LOC400499: variants seen among roughly 807,000 people sequenced by gnomAD.
the LOC400499 span, among the ~76,000 whole-genome samples, chr16:11,379,762 A>T: frequency 6.6e-6 from 1 of 152,098 alleles, no homozygotes; most frequent in Non-Finnish European, 1.5e-5. Flanking sequence ...CTTTGTGTTT[A>T]ATTGATGTTT....
chr16:11,474,991 G>A, the LOC400499 span, among the ~76,000 whole-genome samples: 1 of 152,154 alleles, frequency 6.6e-6, no homozygotes, highest in Admixed American at 6.5e-5. Context: ...ACAGATAAAA[G>A]GTTAAATATT....
the LOC400499 span, among the ~76,000 whole-genome samples, chr16:11,438,607 CAA>C: frequency 6.4e-4 from 38 of 59,836 alleles, no homozygotes; most frequent in African/African-American, 1.1e-3. Context: ...CCTGTCTCTG[CAA>C]AAAAAAAAAA....
chr16:11,462,519 T>G, the LOC400499 span: 15 of 786,198 alleles, frequency 1.9e-5, no homozygotes, highest in Non-Finnish European at 1.7e-5. Flanking sequence ...AACCTCCACC[T>G]CCTGGGTTCA....
the LOC400499 span, chr16:11,469,496 C>A: frequency 1.5e-5 from 6 of 398,956 alleles, no homozygotes; most frequent in Non-Finnish European, 2.7e-5. Context: ...CAGGGAGGGA[C>A]GTTGACATTA....
chr16:11,511,960 T>C, the LOC400499 span, among the ~76,000 whole-genome samples: 1 of 151,992 alleles, frequency 6.6e-6, no homozygotes, highest in South Asian at 2.1e-4. Flanking sequence ...CAAGGTACCA[T>C]TGCATTCCAG....
At chr16:11,473,704 G>A in the LOC400499 span, among the ~76,000 whole-genome samples, 3 of 150,534 alleles carry the variant, frequency 2.0e-5, no homozygotes, top group Non-Finnish European at 4.4e-5. Flanking sequence ...GCAGTGAGCC[G>A]AGACCGCACC....
the LOC400499 span, among the ~76,000 whole-genome samples, chr16:11,492,751 C>T: frequency 4.1e-4 from 62 of 150,806 alleles, no homozygotes; most frequent in Non-Finnish European, 8.0e-4. Flanking sequence ...TGACACCGCA[C>T]TCCAGCCTGG....
the LOC400499 span, among the ~76,000 whole-genome samples, chr16:11,383,097 A>AC: frequency 8.5e-6 from 1 of 118,088 alleles, no homozygotes; most frequent in Non-Finnish European, 2.0e-5. Context: ...ACGGAGTCTC[A>AC]CTCTGTTGCC....
At chr16:11,421,024 A>G in the LOC400499 span, among the ~76,000 whole-genome samples, 2 of 152,076 alleles carry the variant, frequency 1.3e-5, no homozygotes, top group Non-Finnish European at 2.9e-5. Flanking sequence ...ACCTCTGCCA[A>G]ACTGTCCCCA....
At chr16:11,501,731 T>TC in the LOC400499 span, among the ~76,000 whole-genome samples, 2 of 151,926 alleles carry the variant, frequency 1.3e-5, no homozygotes, top group Non-Finnish European at 2.9e-5. Flanking sequence ...GCCCAGACTC[T>TC]CCACGCCCCC....
chr16:11,468,833 G>A, the LOC400499 span, among the ~76,000 whole-genome samples: 3 of 152,088 alleles, frequency 2.0e-5, no homozygotes, highest in Non-Finnish European at 4.4e-5. Flanking sequence ...TCACCATTTG[G>A]CCAGGCTGGT....
the LOC400499 span, among the ~76,000 whole-genome samples, chr16:11,517,951 G>T: frequency 0.042 from 6,411 of 152,254 alleles, 455 homozygotes; most frequent in African/African-American, 0.15. Context: ...ACCTTCCAGG[G>T]GGGCAGCGGT....
At chr16:11,514,263 G>T in the LOC400499 span, 1 of 398,594 alleles carries the variant, frequency 2.5e-6, no homozygotes, top group South Asian at 1.3e-4. Context: ...GTCCAGGCCG[G>T]GACAGAGGAA....
At chr16:11,388,094 G>A in the LOC400499 span, among the ~76,000 whole-genome samples, 4 of 152,158 alleles carry the variant, frequency 2.6e-5, no homozygotes, top group African/African-American at 7.2e-5. Context: ...AGTAGAGAGG[G>A]AGCAGGGGCA....
chr16:11,417,422 G>C, the LOC400499 span, among the ~76,000 whole-genome samples: 5 of 152,312 alleles, frequency 3.3e-5, no homozygotes, highest in African/African-American at 4.8e-5. Context: ...TCCAGTGTGT[G>C]GGACTTTGTT....
the LOC400499 span, among the ~76,000 whole-genome samples, chr16:11,429,444 G>C: frequency 1.3e-5 from 2 of 152,214 alleles, no homozygotes; most frequent in East Asian, 3.9e-4. Context: ...AAGGGCAAAG[G>C]GAGTTAGCAG....
the LOC400499 span, among the ~76,000 whole-genome samples, chr16:11,495,068 G>A: frequency 6.6e-6 from 1 of 152,082 alleles, no homozygotes; most frequent in Non-Finnish European, 1.5e-5. Context: ...AATTAGCCGA[G>A]CATGGTGGTG....
chr16:11,493,767 G>A, the LOC400499 span: 1 of 392,202 alleles, frequency 2.5e-6, no homozygotes, highest in African/African-American at 2.2e-5. Flanking sequence ...CCAAGCCCGC[G>A]TTGCCGACTG....
At chr16:11,399,506 C>T in the LOC400499 span, 1 of 398,778 alleles carries the variant, frequency 2.5e-6, no homozygotes, top group Non-Finnish European at 4.4e-6. Context: ...GCGGTGCTGG[C>T]CCCAGGACAC....
Sources: allele counts gnomAD v4.1 joint callset (sites outside exome capture counted in the v4.1 genomes callset), GRCh38; gene constraint gnomAD v4.1.1; transcripts MANE v1.5.